Variants in SREK1 observed in about 807,000 individuals in gnomAD.
SREK1 encodes splicing regulatory glutamic acid and lysine rich protein 1.
SREK1 carries 13 observed loss-of-function variants against 66.5 expected under a neutral mutation model. The ratio of observed to expected loss-of-function variants is 0.20; its 90% CI spans 0.13 to 0.31. SREK1 has a LOEUF of 0.31. SREK1 is among the 10% of genes least tolerant of loss of function. The pLI is 1.00. For synonymous variants in SREK1, 265 were observed against 263.5 expected (o/e 1.01, Z -0.05); for missense variants, 607 against 769.6 (o/e 0.79, Z 2.50).
intron 1 of SREK1, among the ~76,000 whole-genome samples, chr5:66,151,910 A>G (rs990211144): frequency 2.8e-5 from 4 of 141,336 alleles, no homozygotes; most frequent in Non-Finnish European, 4.5e-5. Context: ...CAGTGGCGCA[A>G]TCTCGGCTCA....
chr5:66,163,957 T>G (rs1744965098), intron 6 of SREK1, 35 bp downstream of exon 6: 1 of 1,599,730 alleles, frequency 6.3e-7, no homozygotes, highest in African/African-American at 1.3e-5. Flanking sequence ...GGTCATAGTT[T>G]AAAGATCATA....
chr5:66,149,381 T>C (rs1743564874), intron 1 of SREK1, among the ~76,000 whole-genome samples: 1 of 151,582 alleles, frequency 6.6e-6, no homozygotes, highest in Non-Finnish European at 1.5e-5. Context: ...GAAAAGAAAA[T>C]TGCTTAAATC....
chr5:66,162,690 C>A (rs1744864884), intron 5 of SREK1, 98 bp downstream of exon 5: 1 of 1,150,694 alleles, frequency 8.7e-7, no homozygotes, highest in South Asian at 1.8e-5. Flanking sequence ...TAGTAATTGG[C>A]AATTTGTGGA....
rs772833994 is a variant in SREK1 at position 66,170,568 on chromosome 5, T to A, written c.1122-17T>A. On this transcript the variant is annotated splice_polypyrimidine_tract_variant and intron_variant, in intron 8 of 11. Coordinates refer to ENST00000334121, the MANE Select transcript of SREK1 (RefSeq NM_001077199.3). ...GAACTATTTTAGTTATGAATTTATT[T>A]ATTTTTGTTTTTAAAGGGACAAGAG... 1 of 1,574,780 alleles carries A rather than the reference T, an allele frequency of 6.4e-7. No homozygotes were observed. Among genetic ancestry groups the A allele is most frequent in the Admixed American group, 2.0e-5 (1 of 48,944 alleles).
chr5:66,178,663 A>C (rs73109315), intron 11 of SREK1, 56 bp from the exon 12 acceptor site: 3 of 1,456,750 alleles, frequency 2.1e-6, no homozygotes, highest in Non-Finnish European at 2.7e-6. Context: ...TTTTGTCGTC[A>C]TAGCAGGCAG....
At chr5:66,156,362 A>T in intron 2 of SREK1, 1 of 1,233,958 alleles carries the variant, frequency 8.1e-7, no homozygotes. Context: ...TTAAGGGTTC[A>T]TAACGTGTTG....
intron 7 of SREK1, chr5:66,167,132 T>A (rs1304769232): frequency 4.6e-5 from 7 of 152,200 alleles, no homozygotes; most frequent in Admixed American, 4.6e-4. Context: ...CAAATGCTTC[T>A]AGAGCCATGC....
chr5:66,144,937 C>G (rs1743030453), intron 1 of SREK1: 1 of 991,864 alleles, frequency 1.0e-6, no homozygotes, highest in Non-Finnish European at 1.2e-6. Flanking sequence ...GGAGACCGCG[C>G]CTGAGCCACA....
In SREK1 at chr5:66,180,948, T is replaced by C. The variant is rs1248028443; in HGVS notation, c.*2080T>C. 1 of 152,260 alleles carries C rather than the reference T, an allele frequency of 6.6e-6. No homozygotes were observed. The highest frequency in any genetic ancestry group is 1.5e-5 in the Non-Finnish European group (1 of 68,032). 9.4% of individuals were successfully genotyped at this position (152,260 alleles called of 1,614,324 possible). On this transcript the variant is annotated 3_prime_UTR_variant, in exon 12 of 12. Transcript: ENST00000334121. ...TTTATCCTGCTCATTTTAGTTGTCA[T>C]AGAGATTGTTGTGACGTGGAGAGTG... is the stretch of plus-strand genomic sequence containing the variant.
chr5:66,173,113 G>A (rs1265195788), intron 9 of SREK1, among the ~76,000 whole-genome samples: 4 of 152,024 alleles, frequency 2.6e-5, no homozygotes, highest in African/African-American at 9.7e-5. Context: ...AATTACAGAC[G>A]TGAGCCGCCA....
chr5:66,161,495 TG>T (rs1236235483), intron 3 of SREK1, among the ~76,000 whole-genome samples: 1 of 152,218 alleles, frequency 6.6e-6, no homozygotes, highest in Non-Finnish European at 1.5e-5. Flanking sequence ...GTGATTTCAC[TG>T]TTAAGATGGG....
intron 10 of SREK1, among the ~76,000 whole-genome samples, chr5:66,176,211 C>T (rs1746041219): frequency 1.3e-5 from 2 of 151,982 alleles, no homozygotes; most frequent in African/African-American, 2.4e-5. Flanking sequence ...TGATATGTTG[C>T]CTTTGTCATG....
chr5:66,171,054 A>G (rs1745607342), intron 9 of SREK1, 107 bp downstream of exon 9: 3 of 1,316,188 alleles, frequency 2.3e-6, no homozygotes, highest in African/African-American at 1.5e-5. Context: ...GAACCTGTAA[A>G]GTAATATAAG....
chr5:66,160,717 A>G (rs1164956069), intron 3 of SREK1, among the ~76,000 whole-genome samples: 2 of 152,240 alleles, frequency 1.3e-5, no homozygotes, highest in Non-Finnish European at 2.9e-5. Context: ...TTGATTTCAT[A>G]AACTTCCGTT....
rs1348967056 is a variant in SREK1 at position 66,181,578 on chromosome 5, CATT to C, written c.*2711_*2713del. 2 of 152,178 alleles carry C rather than the reference CATT, an allele frequency of 1.3e-5. No individual in the cohort carries two copies. Among genetic ancestry groups the C allele is most frequent in the Non-Finnish European group, 2.9e-5 (2 of 68,028 alleles). 9.4% of individuals were successfully genotyped at this position (152,178 alleles called of 1,614,324 possible). On this transcript the variant is annotated 3_prime_UTR_variant, in exon 12 of 12. Transcript: ENST00000334121. The stretch of plus-strand genomic sequence containing the variant: ...TCCTTAAGTTGTAGTTGCTATTTAT[CATT>C]GTAGACAAATTCTGTTGCCTTTCAG...
intron 10 of SREK1, among the ~76,000 whole-genome samples, chr5:66,175,384 G>T (rs1745973647): frequency 6.6e-6 from 1 of 152,124 alleles, no homozygotes; most frequent in African/African-American, 2.4e-5. Flanking sequence ...CTACCAGGAA[G>T]TCTTTTTGTC....
chr5:66,155,159 G>A (rs997378167), intron 2 of SREK1, among the ~76,000 whole-genome samples: 9 of 152,124 alleles, frequency 5.9e-5, no homozygotes, highest in South Asian at 4.1e-4. Flanking sequence ...GATGATGGGC[G>A]TGTAGATGTC....
chr5:66,180,745 G>C lies in SREK1; in HGVS notation c.*1877G>C, dbSNP rs1397932992. ...GCTTATTCTGATACAAGAATGCTTGGGTGCATATGGAAAGATTGTGAAAGA... is the reference window on the plus strand; with the variant it reads ...GCTTATTCTGATACAAGAATGCTTGCGTGCATATGGAAAGATTGTGAAAGA... On this transcript the variant is annotated 3_prime_UTR_variant, in exon 12 of 12. Transcript: ENST00000334121. 1 of 152,480 alleles carries C rather than the reference G, an allele frequency of 6.6e-6. No homozygotes were observed. The highest frequency in any genetic ancestry group is 1.5e-5 in the Non-Finnish European group (1 of 67,996). 9.4% of individuals were successfully genotyped at this position (152,480 alleles called of 1,614,324 possible).
In SREK1 at chr5:66,164,814, T is replaced by G. The variant is rs1467268103; in HGVS notation, c.918T>G (p.Gly306=). ...ESGKSNERKG[G]RSRSHTRSKS... is the part of the protein sequence containing the mutation. ...GAAAGAGCAATGAAAGAAAAGGCGG[T>G]CGATCTCGTTCCCATACTCGCTCAA... The change falls in exon 7 of 12, where the codon GGT becomes GGG. Residue 306 remains glycine, a synonymous_variant. Transcript: ENST00000334121. 6.2e-7 allele frequency: 1 copy of G among 1,614,098 alleles called. No homozygotes were observed. The highest frequency in any genetic ancestry group is 1.7e-5 in the Admixed American group (1 of 60,020).
Sources: allele counts gnomAD v4.1 joint callset (sites outside exome capture counted in the v4.1 genomes callset), GRCh38; gene constraint gnomAD v4.1.1; transcripts MANE v1.5; gene names NCBI Gene and HGNC (gene_info 2026-07-23, HGNC 2026-07-21).